Variants in PCDHA8 observed in about 807,000 individuals in gnomAD.
PCDHA8 encodes protocadherin alpha 8, also known as protocadherin alpha-8.
A neutral mutation model predicts 61.8 loss-of-function variants in PCDHA8; 53 were observed. The observed-to-expected ratio is 0.86, with a 90% confidence interval of 0.69 to 1.08. The LOEUF is 1.08. Among genes scored for constraint, PCDHA8 ranks in the 50% least tolerant of loss-of-function variants. The probability of loss-of-function intolerance (pLI) is 0.00; values close to 1 mark genes in which losing one functional copy is unlikely to be tolerated. For synonymous variants in PCDHA8, 618 were observed against 556.6 expected (o/e 1.11, Z -1.55); for missense variants, 1,293 against 1,245.0 (o/e 1.04, Z -0.58).
intron 1 of PCDHA8, among the ~76,000 whole-genome samples, chr5:140,971,478 A>C (rs111781444): frequency 3.5e-4 from 53 of 152,260 alleles, no homozygotes; most frequent in African/African-American, 1.3e-3. Flanking sequence ...AGAGAGTGTC[A>C]CATTGTTACA....
intron 1 of PCDHA8, among the ~76,000 whole-genome samples, chr5:140,908,711 T>A (rs951399125): frequency 6.6e-6 from 1 of 152,144 alleles, no homozygotes; most frequent in African/African-American, 2.4e-5. Flanking sequence ...CACCATTGGA[T>A]CTGCTGGGTC....
intron 3 of PCDHA8, among the ~76,000 whole-genome samples, chr5:141,007,748 T>C (rs188910603): frequency 1.3e-3 from 195 of 152,298 alleles, no homozygotes; most frequent in African/African-American, 4.4e-3. Context: ...GAAGATAACT[T>C]TGGACTCTTA....
chr5:140,972,270 G>T (rs2096527606), intron 1 of PCDHA8, among the ~76,000 whole-genome samples: 2 of 151,190 alleles, frequency 1.3e-5, no homozygotes, highest in African/African-American at 4.9e-5. Context: ...CTCCTGAGTA[G>T]CTTGGACCAT....
rs782810123 is a variant in PCDHA8, at chr5:140,876,271, T to C, written c.2394+32556T>C. 1.9e-6 allele frequency: 3 copies of C among 1,613,926 alleles called. No individual in the cohort carries two copies. In the African/African-American group the frequency reaches 4.0e-5, roughly 22 times the overall value. On this transcript the variant is annotated intron_variant, in intron 1 of 3. Coordinates refer to ENST00000531613, the MANE Select transcript of PCDHA8 (RefSeq NM_018911.3). ...CACAAGAGTGATCCAACTAAATGCTTCCGATCCAGACGAAGGACTTAATGG... is the reference window on the plus strand; with the variant it reads ...CACAAGAGTGATCCAACTAAATGCTCCCGATCCAGACGAAGGACTTAATGG...
At chr5:140,870,505 C>T in intron 1 of PCDHA8, 1 of 1,614,220 alleles carries the variant, frequency 6.2e-7, no homozygotes, top group Non-Finnish European at 8.5e-7. Context: ...GGAGAACAAC[C>T]CACCAGGCTG....
At chr5:140,916,279 C>T (rs2077510203) in intron 1 of PCDHA8, among the ~76,000 whole-genome samples, 1 of 152,228 alleles carries the variant, frequency 6.6e-6, no homozygotes, top group Admixed American at 6.5e-5. Context: ...TGTTGCTCTA[C>T]TCCACGTGGC....
chr5:140,865,377 T>C (rs2048847316), intron 1 of PCDHA8: 1 of 152,154 alleles, frequency 6.6e-6, no homozygotes, highest in South Asian at 2.1e-4. Flanking sequence ...ATGTTATAGG[T>C]AGGGTAAAGT....
rs201652283 is a variant in PCDHA8, at chr5:141,009,916, G to A, written c.2832G>A (p.Thr944=). The A allele has an allele frequency of 4.3e-6, 7 of 1,611,506 alleles. No homozygotes were observed. The highest frequency in any genetic ancestry group is 2.2e-5 in the East Asian group (1 of 44,862). ...TQEKKEKGNS[T]TDNSDQ is the part of the protein sequence containing the mutation. The stretch of plus-strand genomic sequence containing the variant: ...AGAAAAAAGAGAAAGGGAACAGCAC[G>A]ACTGACAACAGTGACCAGTGAGGTC... Residue 944 remains threonine (T), a synonymous_variant, in exon 4 of 4, where the codon ACG becomes ACA. Coordinates refer to ENST00000531613, the MANE Select transcript of PCDHA8 (RefSeq NM_018911.3).
chr5:140,880,646 C>A (rs782457852), intron 1 of PCDHA8, among the ~76,000 whole-genome samples: 1 of 152,060 alleles, frequency 6.6e-6, no homozygotes, highest in Non-Finnish European at 1.5e-5. Context: ...ACTTGAGAGC[C>A]CAACTGAGGT....
chr5:140,952,192 G>T (rs572613863), intron 1 of PCDHA8, among the ~76,000 whole-genome samples: 3 of 152,080 alleles, frequency 2.0e-5, no homozygotes, highest in Non-Finnish European at 4.4e-5. Context: ...TCATGGGTTG[G>T]TGTTGAATGC....
intron 1 of PCDHA8, among the ~76,000 whole-genome samples, chr5:140,904,951 T>C (rs1468765932): frequency 6.6e-6 from 1 of 152,188 alleles, no homozygotes; most frequent in Non-Finnish European, 1.5e-5. Context: ...GTCCTTTGTC[T>C]GATGCAGAAT....
chr5:140,870,385 G>A, intron 1 of PCDHA8: 1 of 1,614,240 alleles, frequency 6.2e-7, no homozygotes. Context: ...GACTGCGCGG[G>A]ATGGGGGTTC....
At chr5:140,969,297 T>C in intron 1 of PCDHA8, 2 of 1,614,200 alleles carry the variant, frequency 1.2e-6, no homozygotes, top group Non-Finnish European at 1.7e-6. Context: ...GGGAACCTGA[T>C]TATTCTCAAA....
chr5:140,928,846 C>T, intron 1 of PCDHA8: 1 of 1,614,192 alleles, frequency 6.2e-7, no homozygotes, highest in Non-Finnish European at 8.5e-7. Context: ...CTCTGTCACT[C>T]TGGGTGTGCT....
At chr5:140,849,840 AACG>A in intron 1 of PCDHA8, 4 of 1,598,334 alleles carry the variant, frequency 2.5e-6, no homozygotes, top group Non-Finnish European at 3.4e-6. Flanking sequence ...GGCCGACGTG[AACG>A]ACAACGCACC....
chr5:140,917,359 A>G (rs2078164580), intron 1 of PCDHA8, among the ~76,000 whole-genome samples: 3 of 142,606 alleles, frequency 2.1e-5, no homozygotes, highest in South Asian at 2.2e-4. Flanking sequence ...CTTCTGTTCC[A>G]CTATCTTGCT....
chr5:140,944,999 G>A (rs2093721816), intron 1 of PCDHA8, among the ~76,000 whole-genome samples: 1 of 151,896 alleles, frequency 6.6e-6, no homozygotes, highest in Non-Finnish European at 1.5e-5. Context: ...TAACGGTTGT[G>A]GGTCATGAAT....
At position 140,858,002 on chromosome 5, in the gene PCDHA8, G is replaced by A. The variant is rs782820218; in HGVS notation, c.2394+14287G>A. On this transcript the variant is annotated intron_variant, in intron 1 of 3. Transcript: ENST00000531613. The stretch of plus-strand genomic sequence containing the variant: ...CCAGCGCCTACTGGTGCTGGTGAAG[G>A]ACCATGGCGAGCCGTCGCTGACGGC... 1.9e-6 allele frequency: 3 copies of A among 1,596,800 alleles called. No homozygotes were observed. The Admixed American group carries it at 5.1e-5, about 27-fold the overall frequency.
intron 3 of PCDHA8, among the ~76,000 whole-genome samples, chr5:140,991,686 A>G (rs2097465682): frequency 6.6e-6 from 1 of 152,196 alleles, no homozygotes; most frequent in Non-Finnish European, 1.5e-5. Context: ...AGTCCTCTCT[A>G]GTAGAGCCAT....
Sources: gnomAD v4.1 joint callset for allele counts (sites outside exome capture counted in the v4.1 genomes callset) on GRCh38, gnomAD v4.1.1 for gene constraint, MANE v1.5 for transcripts, NCBI Gene and HGNC (gene_info 2026-07-23, HGNC 2026-07-21) for gene names.